The following CCDC91 variants were observed in gnomAD, a reference collection of about 807,000 sequenced individuals.
CCDC91 encodes coiled-coil domain containing 91.
Under a neutral mutation model 63.2 loss-of-function variants are expected in CCDC91, and 48 were observed. The ratio of observed to expected loss-of-function variants is 0.76; its 90% CI spans 0.60 to 0.97. CCDC91 has a LOEUF of 0.97. CCDC91 is among the 50% of genes least tolerant of loss of function. The pLI is 0.00. For missense variants in CCDC91, 500 were observed against 494.6 expected (o/e 1.01, Z -0.10); for synonymous variants, 167 against 165.8 (o/e 1.01, Z -0.06).
intron 12 of CCDC91, among the ~76,000 whole-genome samples, chr12:28,501,994 A>G (rs1186120374): frequency 6.6e-6 from 1 of 151,958 alleles, no homozygotes; most frequent in Non-Finnish European, 1.5e-5. Context: ...TTATTTGCAT[A>G]TAGTTGTTTG....
chr12:28,274,892 G>C (rs577926293), intron 3 of CCDC91, among the ~76,000 whole-genome samples: 1 of 152,168 alleles, frequency 6.6e-6, no homozygotes, highest in East Asian at 1.9e-4. Flanking sequence ...AATAGGAGTG[G>C]TGAGAGAGGG....
At chr12:28,384,431 T>C (rs986978394) in intron 7 of CCDC91, among the ~76,000 whole-genome samples, 9 of 152,142 alleles carry the variant, frequency 5.9e-5, no homozygotes, top group Admixed American at 4.6e-4. Flanking sequence ...GCATGAATTA[T>C]CAGTTTCTAA....
At chr12:28,519,312 T>C (rs1465490732) in intron 12 of CCDC91, among the ~76,000 whole-genome samples, 1 of 151,910 alleles carries the variant, frequency 6.6e-6, no homozygotes, top group Non-Finnish European at 1.5e-5. Flanking sequence ...TGTTTTGTTT[T>C]GTTTTGTTTG....
At chr12:28,197,649 C>T (rs540817809) in intron 1 of CCDC91, among the ~76,000 whole-genome samples, 183 of 152,132 alleles carry the variant, frequency 1.2e-3, no homozygotes, top group African/African-American at 4.0e-3. Flanking sequence ...GTAGGCTATA[C>T]TATGAGTATT....
chr12:28,517,299 T>C (rs994461699), intron 12 of CCDC91, among the ~76,000 whole-genome samples: 3 of 151,922 alleles, frequency 2.0e-5, no homozygotes, highest in Non-Finnish European at 4.4e-5. Flanking sequence ...AACAAGAATG[T>C]GGTGGGCAAG....
At chr12:28,475,450 T>C (rs986271603) in intron 11 of CCDC91, among the ~76,000 whole-genome samples, 5 of 152,126 alleles carry the variant, frequency 3.3e-5, no homozygotes, top group Admixed American at 2.6e-4. Context: ...GTATATCTAT[T>C]AAAATTTTTA....
At chr12:28,250,640 AG>A (rs1165072694) in intron 1 of CCDC91, among the ~76,000 whole-genome samples, 2 of 152,090 alleles carry the variant, frequency 1.3e-5, no homozygotes, top group African/African-American at 2.4e-5. Flanking sequence ...GAAAAGTAAG[AG>A]GGAAAAGGAA....
intron 6 of CCDC91, among the ~76,000 whole-genome samples, chr12:28,342,734 TTC>T (rs1228573526): frequency 2.0e-5 from 3 of 152,244 alleles, no homozygotes; most frequent in South Asian, 2.1e-4. Flanking sequence ...TGGAACAAAG[TTC>T]TTGCAGTAAT....
chr12:28,240,066 T>C (rs1945236729), intron 1 of CCDC91, among the ~76,000 whole-genome samples: 1 of 152,198 alleles, frequency 6.6e-6, no homozygotes. Context: ...TGGAATCAGA[T>C]TGGTATTTCT....
At chr12:28,335,290 A>G (rs1216678008) in intron 6 of CCDC91, among the ~76,000 whole-genome samples, 1 of 137,456 alleles carries the variant, frequency 7.3e-6, no homozygotes, top group Non-Finnish European at 1.5e-5. Flanking sequence ...CATATTATAT[A>G]TAATATAATA....
rs553913004 is a variant in CCDC91, at chr12:28,275,421, G to A, written c.109+15979G>A. Reference sequence around the variant, plus strand: ...ATACACCCTCCCAAGACTAAACCAGGAAGAAGTTGAATCTCTGAATAGACC... The same window carrying A: ...ATACACCCTCCCAAGACTAAACCAGAAAGAAGTTGAATCTCTGAATAGACC... On this transcript the variant is annotated intron_variant, in intron 3 of 12. Coordinates refer to ENST00000536442, the MANE Select transcript of CCDC91 (RefSeq NM_018318.5). 3.7e-4 allele frequency among the ~76,000 whole-genome samples: 57 copies of A among 152,190 alleles called. No homozygotes were observed. The South Asian group carries it at 0.01, about 28-fold the overall frequency.
chr12:28,219,448 CA>C (rs1399896909), intron 1 of CCDC91, among the ~76,000 whole-genome samples: 1 of 148,110 alleles, frequency 6.8e-6, no homozygotes, highest in Non-Finnish European at 1.5e-5. Flanking sequence ...ATATACATAA[CA>C]AAATTTACCA....
chr12:28,270,442 C>G (rs2136365366), intron 3 of CCDC91, among the ~76,000 whole-genome samples: 1 of 152,156 alleles, frequency 6.6e-6, no homozygotes, highest in East Asian at 1.9e-4. Context: ...TTCAATGTGG[C>G]TGACAATACA....
intron 12 of CCDC91, among the ~76,000 whole-genome samples, chr12:28,488,974 A>C (rs1291375027): frequency 6.6e-6 from 1 of 151,968 alleles, no homozygotes; most frequent in Non-Finnish European, 1.5e-5. Context: ...TGAAACATAC[A>C]TTCACATCCA....
intron 3 of CCDC91, among the ~76,000 whole-genome samples, chr12:28,273,106 T>C (rs1319066902): frequency 6.6e-6 from 1 of 152,026 alleles, no homozygotes; most frequent in African/African-American, 2.4e-5. Context: ...TTCTTGTCCT[T>C]CTGATAGTTT....
At chr12:28,313,471 T>C (rs1273804616) in intron 6 of CCDC91, among the ~76,000 whole-genome samples, 2 of 152,080 alleles carry the variant, frequency 1.3e-5, no homozygotes, top group East Asian at 3.9e-4. Flanking sequence ...GAAAATCTAC[T>C]CCTCTACTTA....
At chr12:28,351,350 C>G (rs1943168266) in intron 6 of CCDC91, among the ~76,000 whole-genome samples, 1 of 152,192 alleles carries the variant, frequency 6.6e-6, no homozygotes, top group South Asian at 2.1e-4. Context: ...CAGTTCCAAA[C>G]AAATTTAAAA....
chr12:28,549,708 T>C lies in CCDC91; in HGVS notation c.*535T>C, dbSNP rs1943210994. On this transcript the variant is annotated 3_prime_UTR_variant, in exon 13 of 13. Coordinates refer to ENST00000536442, the MANE Select transcript of CCDC91 (RefSeq NM_018318.5). ...CTTCTGCAGTTGGATCTATGTATTT[T>C]CATTGGTCTACTGAAAACAAACAAT... 6.6e-6 allele frequency: 1 copy of C among 152,178 alleles called. No homozygotes were observed. The highest frequency in any genetic ancestry group is 6.6e-5 in the Admixed American group (1 of 15,258). The allele number at this position is 152,178 out of a possible 1,614,324, so 9.4% of individuals were successfully genotyped here.
At chr12:28,358,745 T>G (rs1196408198) in intron 6 of CCDC91, among the ~76,000 whole-genome samples, 1 of 152,120 alleles carries the variant, frequency 6.6e-6, no homozygotes, top group Non-Finnish European at 1.5e-5. Context: ...TTTATATAAG[T>G]GGTCAGGAAA....
Sources: allele counts gnomAD v4.1 joint callset (sites outside exome capture counted in the v4.1 genomes callset), GRCh38; gene constraint gnomAD v4.1.1; transcripts MANE v1.5; gene names NCBI Gene and HGNC (gene_info 2026-07-23, HGNC 2026-07-21).